The following TTLL3 variants were observed in gnomAD, a reference collection of about 807,000 sequenced individuals.
TTLL3 encodes the protein tubulin tyrosine ligase like 3, also known as tubulin monoglycylase TTLL3.
In TTLL3, 63 loss-of-function variants were observed where a neutral mutation model predicts 75.2. The observed-to-expected ratio is 0.84, with a 90% CI of 0.68 to 1.03. The LOEUF is 1.03. Among genes scored for constraint, TTLL3 ranks in the 50% least tolerant of loss-of-function variants. The probability of loss-of-function intolerance (pLI) is 0.00; values close to 1 mark genes in which losing one functional copy is unlikely to be tolerated. For synonymous variants in TTLL3, 393 were observed against 418.5 expected, an observed-to-expected ratio of 0.94 and a Z score of 0.74; for missense variants, 997 against 1,069.9, an observed-to-expected ratio of 0.93 and a Z score of 0.95.
Position 9,816,946 on chromosome 3 carries a change from G to T in TTLL3, c.445-699G>T, listed in dbSNP as rs556583592. ...ACCTGCCATTATATTATTGGTGTGG[G>T]TTAGGAAGGATTCTAGAGGAAGCAG... is the stretch of plus-strand genomic sequence containing the variant. On this transcript the variant is annotated intron_variant, in intron 5 of 13. Coordinates refer to ENST00000685419, the MANE Select transcript of TTLL3 (RefSeq NM_001387446.1). 4.6e-5 allele frequency among the ~76,000 whole-genome samples: 7 copies of T among 152,220 alleles called. No homozygotes were observed. The South Asian group carries it at 1.5e-3, about 32-fold the overall frequency.
chr3:9,821,432 C>T (rs769364966), intron 8 of TTLL3, among the ~76,000 whole-genome samples: 24 of 152,312 alleles, frequency 1.6e-4, no homozygotes, highest in Admixed American at 3.3e-4. Flanking sequence ...AGCGTAGCCC[C>T]TGTTCTCAAC....
At chr3:9,821,088 TAA>T (rs544634152) in intron 8 of TTLL3, 23 of 262,604 alleles carry the variant, frequency 8.8e-5, no homozygotes, top group Admixed American at 2.9e-4. Context: ...ATTAAGCAGT[TAA>T]AGAGGCTTCC....
chr3:9,809,743 G>T (rs1314823483), upstream of TTLL3: 4 of 339,884 alleles, frequency 1.2e-5, no homozygotes, highest in South Asian at 1.4e-4. Context: ...CGCCTTCAGT[G>T]CCCTGCTCAT....
chr3:9,827,222 C>T lies in TTLL3; in HGVS notation c.1229C>T (p.Ser410Phe). 9 of 1,614,134 alleles carry T rather than the reference C, an allele frequency of 5.6e-6. No homozygotes were observed. Among genetic ancestry groups the T allele is most frequent in the Non-Finnish European group, 7.6e-6 (9 of 1,179,942 alleles). ...SYIRFSTQPF[S>F]LKNLDNSVHL... ...ATCCGCTTTTCCACGCAGCCCTTCT[C>T]CCTGAAGAACCTGGACAAGTGAGCC... Residue 410 changes from serine to phenylalanine, a missense_variant, in exon 10 of 14, where the codon TCC becomes TTC. Transcript: ENST00000685419.
chr3:9,811,753 A>G (rs4686373), intron 2 of TTLL3, among the ~76,000 whole-genome samples: 141,219 of 152,320 alleles, frequency 0.93, 65,654 homozygotes, highest in African/African-American at 0.98. Flanking sequence ...TTTCCCCATC[A>G]TTTTCCATGT....
At chr3:9,830,054 G>A (rs916302133) in intron 11 of TTLL3, among the ~76,000 whole-genome samples, 4 of 152,138 alleles carry the variant, frequency 2.6e-5, no homozygotes, top group Admixed American at 6.5e-5. Context: ...TGTTGGCCAG[G>A]CTGGTCTCGA....
At position 9,826,687 on chromosome 3, in the gene TTLL3, C is replaced by T. The variant is rs528571735; in HGVS notation, c.1004-310C>T. On this transcript the variant is annotated intron_variant, in intron 9 of 13. Coordinates refer to ENST00000685419, the MANE Select transcript of TTLL3 (RefSeq NM_001387446.1). ...GGCGGAGGTTGCAGTGAGCTGAGCT[C>T]GTGCCACTGCACTCCAGCCTAGGTG... Among the ~76,000 whole-genome samples, 72 of 137,010 alleles carry T rather than the reference C, an allele frequency of 5.3e-4. 1 individual carries two copies. The highest frequency in any genetic ancestry group is 1.5e-3 in the African/African-American group (56 of 36,132). The allele number at this position is 137,010 out of a possible 152,430, so 89.9% of individuals were successfully genotyped here.
In TTLL3 at chr3:9,835,198, A is replaced by G; in HGVS notation, c.2157A>G (p.Pro719=). The change falls in exon 14 of 14, where the codon CCA becomes CCG. Residue 719 remains proline, a synonymous_variant. Coordinates refer to ENST00000685419, the MANE Select transcript of TTLL3 (RefSeq NM_001387446.1). The stretch of plus-strand genomic sequence containing the variant: ...TAGCACCTGTCGGAAGGTCAAGGCC[A>G]AAGGCAAATTCAAGGCCAGACTGTG... ...QFLAPVGRSR[P]KANSRPDCDK... The G allele has an allele frequency of 6.2e-7, 1 of 1,614,146 alleles. No individual in the cohort carries two copies.
At chr3:9,829,508 G>T in intron 11 of TTLL3, 113 bp downstream of exon 11, 1 of 1,365,138 alleles carries the variant, frequency 7.3e-7, no homozygotes, top group Non-Finnish European at 9.7e-7. Flanking sequence ...CCAGATTCAA[G>T]TCCTGGTCCT....
Position 9,810,503 on chromosome 3 carries a change from C to A in TTLL3, c.-42+109C>A. 2.1e-6 allele frequency: 3 copies of A among 1,456,806 alleles called. No individual in the cohort carries two copies. Among genetic ancestry groups the A allele is most frequent in the Non-Finnish European group, 2.7e-6 (3 of 1,103,218 alleles). 90.2% of individuals were successfully genotyped at this position (1,456,806 alleles called of 1,614,324 possible). ...GAGAAGAGCGGCTGAGGGTGGGCATCTGGATGAAGGCAGGAGGAAGAAAAG... is the reference window on the plus strand; with the variant it reads ...GAGAAGAGCGGCTGAGGGTGGGCATATGGATGAAGGCAGGAGGAAGAAAAG... On this transcript the variant is annotated intron_variant, in intron 1 of 13. Transcript: ENST00000685419. This position sits in a 1 kb window ranked among gnomAD's most constrained non-coding sequence, Gnocchi z 4.4.
At chr3:9,816,701 G>T (rs756821329) in intron 5 of TTLL3, among the ~76,000 whole-genome samples, 21 of 151,978 alleles carry the variant, frequency 1.4e-4, no homozygotes, top group South Asian at 2.1e-4. Flanking sequence ...TTTTTTAGTA[G>T]AGATGGGGTT....
intron 4 of TTLL3, among the ~76,000 whole-genome samples, chr3:9,814,500 TAGCTG>T (rs1420657367): frequency 5.9e-5 from 9 of 151,728 alleles, no homozygotes; most frequent in Non-Finnish European, 1.3e-4. Flanking sequence ...ATAGAAAAAT[TAGCTG>T]GGTGTAGTGG....
rs201023695 is a variant in TTLL3 at position 9,813,283 on chromosome 3, C to T, written c.253C>T (p.Gln85Ter). 14 of 1,614,150 alleles carry T rather than the reference C, an allele frequency of 8.7e-6. No homozygotes were observed. The South Asian group carries it at 1.2e-4, about 14-fold the overall frequency. ...EDEDEEFQPS[Q>*]LFDFDDLLKF... ...TGAGGACGAGGAGTTCCAGCCATCA[C>T]AGCTGTTCGACTTCGATGATTTACT... The change falls in exon 4 of 14, where the codon CAG (glutamine) becomes TAG (stop). Residue 85 changes from glutamine to a stop codon, truncating the protein, a stop_gained. Transcript: ENST00000685419. LOFTEE classifies it high-confidence loss of function.
At chr3:9,813,728 T>A (rs2079555619) in intron 4 of TTLL3, among the ~76,000 whole-genome samples, 1 of 152,050 alleles carries the variant, frequency 6.6e-6, no homozygotes, top group Non-Finnish European at 1.5e-5. Flanking sequence ...CAGGCTGCAG[T>A]GAGCTATGAT....
In TTLL3 at chr3:9,813,659, C is replaced by T. The variant is rs9882588; in HGVS notation, c.315+314C>T. 1.7e-3 allele frequency among the ~76,000 whole-genome samples: 261 copies of T among 152,184 alleles called. 2 individuals are homozygous for T. The highest frequency in any genetic ancestry group is 6.1e-3 in the African/African-American group (252 of 41,524). On this transcript the variant is annotated intron_variant, in intron 4 of 13. Coordinates refer to ENST00000685419, the MANE Select transcript of TTLL3 (RefSeq NM_001387446.1). ...CATTATCCGGGTGTGGTGGCATGTA[C>T]CTGTAGTCCCAGCTACTCGGGAGGC...
Position 9,827,044 on chromosome 3 carries a change from G to T in TTLL3, c.1051G>T (p.Gly351Cys). The T allele has an allele frequency of 2.5e-6, 4 of 1,614,178 alleles. No individual in the cohort carries two copies. Among genetic ancestry groups the T allele is most frequent in the South Asian group, 1.1e-5 (1 of 91,084 alleles). The change falls in exon 10 of 14, where the codon GGC (glycine) becomes TGC (cysteine). Residue 351 changes from glycine (G) to cysteine (C), a missense_variant. By Grantham distance (159) the Gly-to-Cys change is radical. Coordinates refer to ENST00000685419, the MANE Select transcript of TTLL3 (RefSeq NM_001387446.1). Reference sequence around the variant, plus strand: ...GGAGGAGATGCTGAAGCTGGTGAACGGCAACCCCGTGGTGATGAAGGACGG... The same window carrying T: ...GGAGGAGATGCTGAAGCTGGTGAACTGCAACCCCGTGGTGATGAAGGACGG... Reference protein sequence around the residue: ...HLEEMLKLVNGNPVVMKDGKW... With the variant: ...HLEEMLKLVNCNPVVMKDGKW...
chr3:9,815,252 A>AAG, intron 4 of TTLL3, among the ~76,000 whole-genome samples: 1 of 152,048 alleles, frequency 6.6e-6, no homozygotes, highest in Non-Finnish European at 1.5e-5. Context: ...AAAAAAAAAA[A>AAG]AAAGCCATTT....
At chr3:9,814,948 C>A (rs966465349) in intron 4 of TTLL3, among the ~76,000 whole-genome samples, 2 of 151,928 alleles carry the variant, frequency 1.3e-5, no homozygotes, top group South Asian at 2.1e-4. Context: ...TATAAAATTG[C>A]CATTTCTGGC....
intron 2 of TTLL3, 99 bp from the exon 3 acceptor site, chr3:9,812,844 T>C: frequency 7.5e-7 from 1 of 1,334,242 alleles, no homozygotes; most frequent in African/African-American, 1.5e-5. Flanking sequence ...AAAAATTTCC[T>C]GATGGCAGAG....
Sources: gnomAD v4.1 joint callset for allele counts (sites outside exome capture counted in the v4.1 genomes callset) on GRCh38, gnomAD v4.1.1 for gene constraint, Gnocchi (gnomAD v3.1) non-coding constraint, MANE v1.5 for transcripts, NCBI Gene and HGNC (gene_info 2026-07-23, HGNC 2026-07-21) for gene names.